The following STIM2 variants were observed in gnomAD, a reference collection of about 807,000 sequenced individuals.
STIM2 encodes stromal interaction molecule 2.
In STIM2, 31 loss-of-function variants were observed where a neutral mutation model predicts 85.8. That is an observed-to-expected ratio of 0.36 (90% confidence interval 0.27 to 0.49). The LOEUF is 0.49. Among genes scored for constraint, STIM2 ranks in the 20% least tolerant of loss-of-function variants. The pLI, the probability that STIM2 is intolerant of heterozygous loss-of-function variation, is 0.98. For synonymous variants in STIM2, 356 were observed against 331.1 expected (o/e 1.08, Z -0.82); for missense variants, 841 against 927.6 (o/e 0.91, Z 1.21).
intron 1 of STIM2, among the ~76,000 whole-genome samples, chr4:26,868,900 T>C (rs982058001): frequency 6.6e-6 from 1 of 152,226 alleles, no homozygotes; most frequent in Non-Finnish European, 1.5e-5. Flanking sequence ...GTTTCTTTCT[T>C]CTGGGTACCA....
chr4:26,870,776 G>A (rs536621778), intron 1 of STIM2, among the ~76,000 whole-genome samples: 104 of 152,280 alleles, frequency 6.8e-4, no homozygotes, highest in African/African-American at 2.5e-3. Flanking sequence ...CACTTAAAGG[G>A]TGATGATACA....
intron 1 of STIM2, among the ~76,000 whole-genome samples, chr4:26,912,264 T>TAA (rs1234065213): frequency 6.6e-6 from 1 of 152,218 alleles, no homozygotes; most frequent in Non-Finnish European, 1.5e-5. Flanking sequence ...CATATGCTGT[T>TAA]AAACACTGTT....
At chr4:26,941,006 T>C (rs1178809438) in intron 2 of STIM2, among the ~76,000 whole-genome samples, 1 of 152,132 alleles carries the variant, frequency 6.6e-6, no homozygotes, top group Non-Finnish European at 1.5e-5. Context: ...CTTCCAAATA[T>C]GGTTTGGGCT....
At chr4:27,003,915 A>C (rs191684073) in intron 7 of STIM2, among the ~76,000 whole-genome samples, 2 of 152,150 alleles carry the variant, frequency 1.3e-5, no homozygotes, top group Non-Finnish European at 2.9e-5. Flanking sequence ...CTGTGGTCTC[A>C]TCTCCTCCTT....
intron 3 of STIM2, among the ~76,000 whole-genome samples, chr4:26,982,302 T>C (rs777785709): frequency 2.6e-5 from 4 of 152,188 alleles, no homozygotes; most frequent in Non-Finnish European, 5.9e-5. Flanking sequence ...ATTTATTCAT[T>C]TATATCCTAT....
intron 2 of STIM2, among the ~76,000 whole-genome samples, chr4:26,945,137 CTCCATGTG>C (rs1414502915): frequency 6.6e-6 from 1 of 152,162 alleles, no homozygotes; most frequent in Non-Finnish European, 1.5e-5. Context: ...TGTTGTTCCC[CTCCATGTG>C]TCCATGTGTT....
intron 2 of STIM2, among the ~76,000 whole-genome samples, chr4:26,923,464 A>G (rs1724887843): frequency 6.6e-6 from 1 of 150,884 alleles, no homozygotes. Context: ...TACTTTATAG[A>G]CAAGCAAATG....
chr4:26,928,029 G>C (rs112378559), intron 2 of STIM2, among the ~76,000 whole-genome samples: 1 of 151,884 alleles, frequency 6.6e-6, no homozygotes, highest in East Asian at 1.9e-4. Flanking sequence ...TGGCAGGTTT[G>C]GTGATTCTGA....
chr4:26,945,670 T>C (rs1234917140), intron 2 of STIM2, among the ~76,000 whole-genome samples: 2 of 152,222 alleles, frequency 1.3e-5, no homozygotes, highest in African/African-American at 2.4e-5. Flanking sequence ...TATCTCATTG[T>C]GGTTTTGATT....
chr4:26,889,656 T>C (rs947446020), intron 1 of STIM2, among the ~76,000 whole-genome samples: 1 of 152,194 alleles, frequency 6.6e-6, no homozygotes, highest in Non-Finnish European at 1.5e-5. Context: ...ACTGGCAGAT[T>C]GGGCCTCATT....
chr4:26,947,651 T>C (rs1725885175), intron 2 of STIM2, among the ~76,000 whole-genome samples: 1 of 152,148 alleles, frequency 6.6e-6, no homozygotes, highest in African/African-American at 2.4e-5. Context: ...TGAGACCCCA[T>C]CTTCCTGCTC....
intron 10 of STIM2, among the ~76,000 whole-genome samples, chr4:27,013,616 A>G (rs990158878): frequency 2.0e-5 from 3 of 152,030 alleles, no homozygotes; most frequent in African/African-American, 7.2e-5. Context: ...TAGTAATTCT[A>G]TTACCTTTTA....
intron 3 of STIM2, among the ~76,000 whole-genome samples, chr4:26,959,215 T>A (rs1332609582): frequency 6.6e-6 from 1 of 152,144 alleles, no homozygotes; most frequent in Non-Finnish European, 1.5e-5. Flanking sequence ...TCCACCTCTC[T>A]CTCATCTCTT....
intron 2 of STIM2, 91 bp from the exon 3 acceptor site, chr4:26,957,521 C>T: frequency 4.3e-6 from 3 of 695,708 alleles, no homozygotes; most frequent in Non-Finnish European, 6.7e-6. Context: ...TGAAAATAGT[C>T]ACCCACTGGA....
At chr4:27,020,955 A>G in intron 11 of STIM2, 1 of 1,508,568 alleles carries the variant, frequency 6.6e-7, no homozygotes, top group Non-Finnish European at 8.9e-7. Context: ...TTTTACCTTG[A>G]CTCTCCCTTT....
intron 7 of STIM2, among the ~76,000 whole-genome samples, chr4:27,007,018 A>G (rs1232378639): frequency 6.6e-6 from 1 of 152,250 alleles, no homozygotes; most frequent in African/African-American, 2.4e-5. Context: ...AAAAGTGAGT[A>G]TATAGTGAAG....
chr4:26,970,949 A>G (rs1471636738), intron 3 of STIM2, among the ~76,000 whole-genome samples: 1 of 152,098 alleles, frequency 6.6e-6, no homozygotes, highest in Non-Finnish European at 1.5e-5. Context: ...TTGGCATGAG[A>G]TGGTATCTCA....
intron 10 of STIM2, among the ~76,000 whole-genome samples, chr4:27,015,748 A>T (rs1577498904): frequency 6.8e-6 from 1 of 147,052 alleles, no homozygotes; most frequent in Non-Finnish European, 1.5e-5. Flanking sequence ...CTTTGTTGTC[A>T]TATGGTTTCC....
intron 2 of STIM2, among the ~76,000 whole-genome samples, chr4:26,944,665 T>C (rs1267268343): frequency 6.6e-6 from 1 of 152,212 alleles, no homozygotes; most frequent in Admixed American, 6.5e-5. Context: ...TTCTATTGTG[T>C]AATAATCTTT....
Sources: gnomAD v4.1 joint callset for allele counts (sites outside exome capture counted in the v4.1 genomes callset) on GRCh38, gnomAD v4.1.1 for gene constraint, MANE v1.5 for transcripts, NCBI Gene and HGNC (gene_info 2026-07-23, HGNC 2026-07-21) for gene names.